LOXL3: variants seen among roughly 807,000 people sequenced by gnomAD.
LOXL3 encodes lysyl oxidase homolog 3.
In LOXL3, 60 loss-of-function variants were observed where a neutral mutation model predicts 91.8. The ratio of observed to expected loss-of-function variants is 0.65; its 90% CI spans 0.53 to 0.81. The LOEUF is 0.81. LOXL3 is among the 30% of genes least tolerant of loss of function. The pLI is 0.00. For missense variants in LOXL3, 874 were observed against 1,000.4 expected (o/e 0.87, Z 1.70); for synonymous variants, 355 against 387.6 (o/e 0.92, Z 0.99).
chr2:74,554,357 A>C, upstream of LOXL3: 2 of 195,174 alleles, frequency 1.0e-5, no homozygotes, highest in African/African-American at 2.4e-5. The surrounding 1 kb of genome is among the most constrained non-coding windows in gnomAD (Gnocchi z 4.9). Context: ...CGGCCAGGGT[A>C]AATAAAGCCC....
intron 1 of LOXL3, chr2:74,553,061 G>A (rs1474947332): frequency 5.6e-6 from 1 of 178,242 alleles, no homozygotes; most frequent in Admixed American, 5.8e-5. Flanking sequence ...GAAAGTGATA[G>A]GCAAAGAACT....
chr2:74,533,169 C>T lies in LOXL3; in HGVS notation c.*437G>A, dbSNP rs1675752389. 1.6e-6 allele frequency: 1 copy of T among 612,912 alleles called. No individual in the cohort carries two copies. The highest frequency in any genetic ancestry group is 2.9e-6 in the Non-Finnish European group (1 of 349,426). The allele number at this position is 612,912 out of a possible 1,614,324, so 38.0% of individuals were successfully genotyped here. The stretch of plus-strand genomic sequence containing the variant: ...CTTTTTATATAAAATAAAATTATAC[C>T]TAGCAACATATTATAGTAAAAAATG... On this transcript the variant is annotated 3_prime_UTR_variant, in exon 14 of 14. Transcript: ENST00000264094.
chr2:74,551,110 T>C (rs557635303), intron 2 of LOXL3, among the ~76,000 whole-genome samples: 1 of 152,152 alleles, frequency 6.6e-6, no homozygotes, highest in Non-Finnish European at 1.5e-5. Flanking sequence ...TTTTTGTATT[T>C]GTAGTAGAGA....
chr2:74,549,894 G>T lies in LOXL3; in HGVS notation c.477+291C>A, dbSNP rs1251521794. 1.0e-6 allele frequency: 1 copy of T among 985,362 alleles called. No individual in the cohort carries two copies. The highest frequency in any genetic ancestry group is 1.7e-5 in the African/African-American group (1 of 57,258). 61.0% of individuals were successfully genotyped at this position (985,362 alleles called of 1,614,324 possible). ...TGAAGGAGGAGAAAGTCAGAAGGAA[G>T]ATGTCTCAGGAAAGCAGGAACATTT... On this transcript the variant is annotated intron_variant, in intron 3 of 13. Coordinates refer to ENST00000264094, the MANE Select transcript of LOXL3 (RefSeq NM_032603.5). This position sits in a 1 kb window ranked among gnomAD's most constrained non-coding sequence, Gnocchi z 5.3.
intron 13 of LOXL3, 57 bp from the exon 14 acceptor site, chr2:74,533,736 G>A: frequency 6.5e-7 from 1 of 1,540,622 alleles, no homozygotes; most frequent in East Asian, 2.2e-5. Flanking sequence ...GGAGATAGAT[G>A]CACTGTGGAG....
rs773925764 is a variant in LOXL3 at position 74,552,524 on chromosome 2, G to T, written c.111C>A (p.Ala37=). Residue 37 remains alanine, a synonymous_variant, in exon 2 of 14, where the codon GCC becomes GCA. Coordinates refer to ENST00000264094, the MANE Select transcript of LOXL3 (RefSeq NM_032603.5). Reference sequence around the variant, plus strand: ...GCCGGAACCGAAGCCCCTGGCTCCCGGCCTTCTTCTCAGGGCCCGTGGAAG... The same window carrying T: ...GCCGGAACCGAAGCCCCTGGCTCCCTGCCTTCTTCTCAGGGCCCGTGGAAG... ...PSPSTGPEKK[A]GSQGLRFRLA... is the part of the protein sequence containing the mutation. 7 of 1,613,200 alleles carry T rather than the reference G, an allele frequency of 4.3e-6. No individual in the cohort carries two copies. In the Admixed American group the frequency reaches 5.0e-5, roughly 12 times the overall value.
At chr2:74,539,120 G>A (rs888016707) in intron 4 of LOXL3, among the ~76,000 whole-genome samples, 13 of 152,136 alleles carry the variant, frequency 8.5e-5, no homozygotes, top group African/African-American at 3.1e-4. Flanking sequence ...TACCTCTTGT[G>A]TGGCCCCCTG....
intron 4 of LOXL3, among the ~76,000 whole-genome samples, chr2:74,539,630 T>A (rs959107899): frequency 6.6e-6 from 1 of 152,118 alleles, no homozygotes; most frequent in Admixed American, 6.5e-5. Flanking sequence ...AGCTTGCCCA[T>A]CCCCATGCCT....
chr2:74,555,661 C>G, upstream of LOXL3: 1 of 1,613,990 alleles, frequency 6.2e-7, no homozygotes, highest in Non-Finnish European at 8.5e-7. This position sits in a 1 kb window ranked among gnomAD's most constrained non-coding sequence, Gnocchi z 6.1. Context: ...ACAGCCCTAC[C>G]TGGGAAGGTA....
intron 4 of LOXL3, among the ~76,000 whole-genome samples, chr2:74,539,594 T>C (rs1242269664): frequency 6.6e-6 from 1 of 152,160 alleles, no homozygotes; most frequent in Non-Finnish European, 1.5e-5. Context: ...CCTACATTAC[T>C]TCCTCCTTGT....
chr2:74,537,097 TGA>T (rs1676076888), intron 4 of LOXL3, among the ~76,000 whole-genome samples, 169 bp from the exon 5 acceptor site: 2 of 152,248 alleles, frequency 1.3e-5, no homozygotes, highest in African/African-American at 4.8e-5. Context: ...TGGGGATTGC[TGA>T]GTTTCCAGGC....
intron 4 of LOXL3, among the ~76,000 whole-genome samples, chr2:74,543,919 A>AG (rs1274687990): frequency 1.2e-3 from 181 of 148,210 alleles, no homozygotes; most frequent in Non-Finnish European, 1.7e-3. Flanking sequence ...AAAAAAAAAA[A>AG]AAAAGAAAAG....
intron 1 of LOXL3, 43 bp downstream of exon 1, chr2:74,553,833 A>G (rs1467555645): frequency 6.6e-6 from 1 of 150,982 alleles, no homozygotes; most frequent in Non-Finnish European, 1.5e-5. Flanking sequence ...CATCCTCTCC[A>G]TCCCCTACTC....
Position 74,536,831 on chromosome 2 carries a change from G to C in LOXL3, c.790C>G (p.Arg264Gly). 2 of 1,614,206 alleles carry C rather than the reference G, an allele frequency of 1.2e-6. No homozygotes were observed. The highest frequency in any genetic ancestry group is 4.5e-5 in the East Asian group (2 of 44,874). Residue 264 changes from arginine (R) to glycine (G), a missense_variant, in exon 5 of 14, where the codon CGT becomes GGT. Transcript: ENST00000264094. This position sits in a 1 kb window ranked among gnomAD's most constrained non-coding sequence, Gnocchi z 4.5. ...GGGCACCTGGCGGTGTCATTGGCAC[G>C]ATAGAACTCCAGGGAACAGAGGGAG... ...HLSLCSLEFY[R>G]ANDTARCPGG...
At chr2:74,543,933 A>G (rs1676466076) in intron 4 of LOXL3, among the ~76,000 whole-genome samples, 1 of 151,300 alleles carries the variant, frequency 6.6e-6, no homozygotes, top group East Asian at 1.9e-4. Context: ...AGAAAAGAAA[A>G]GAAAAAAAAG....
rs937403340 is a variant in LOXL3, at chr2:74,535,173, G to A, written c.1579+119C>T. On this transcript the variant is annotated intron_variant, in intron 9 of 13. Coordinates refer to ENST00000264094, the MANE Select transcript of LOXL3 (RefSeq NM_032603.5). This position sits in a 1 kb window ranked among gnomAD's most constrained non-coding sequence, Gnocchi z 4.2. Reference sequence around the variant, plus strand: ...ATTACAGGCGTGAGCCACTGCACCCGGCGAAACTGGCTCTTTTATGGGGAA... The same window carrying A: ...ATTACAGGCGTGAGCCACTGCACCCAGCGAAACTGGCTCTTTTATGGGGAA... The A allele has an allele frequency of 2.8e-5, 33 of 1,190,836 alleles. No homozygotes were observed. The East Asian group carries it at 3.8e-4, about 14-fold the overall frequency. The allele number at this position is 1,190,836 out of a possible 1,614,324, so 73.8% of individuals were successfully genotyped here.
chr2:74,547,742 A>C (rs2104433375), intron 4 of LOXL3, among the ~76,000 whole-genome samples: 1 of 152,198 alleles, frequency 6.6e-6, no homozygotes, highest in East Asian at 1.9e-4. Flanking sequence ...AATATTCTAG[A>C]ATAAATTATT....
chr2:74,534,074 A>T (rs746488976), intron 12 of LOXL3, 26 bp downstream of exon 12: 2 of 1,613,238 alleles, frequency 1.2e-6, no homozygotes, highest in South Asian at 2.2e-5. Context: ...CCACTCACCC[A>T]TCTGGAAGCC....
chr2:74,552,013 G>T (rs558885262), intron 2 of LOXL3, among the ~76,000 whole-genome samples: 21 of 152,334 alleles, frequency 1.4e-4, no homozygotes, highest in East Asian at 3.9e-4. Flanking sequence ...TTTGTACAGG[G>T]CTCACCTGTA....
Sources: gnomAD v4.1 joint callset for allele counts (sites outside exome capture counted in the v4.1 genomes callset) on GRCh38, gnomAD v4.1.1 for gene constraint, Gnocchi (gnomAD v3.1) non-coding constraint, MANE v1.5 for transcripts, NCBI Gene and HGNC (gene_info 2026-07-23, HGNC 2026-07-21) for gene names.